CDH10: variants seen among roughly 807,000 people sequenced by gnomAD.
CDH10 encodes cadherin-10.
CDH10 carries 30 observed loss-of-function variants against 73.1 expected under a neutral mutation model. That is an observed-to-expected ratio of 0.41 (90% confidence interval 0.31 to 0.56). CDH10 has a LOEUF of 0.56. Ranked by LOEUF, CDH10 falls within the 20% of genes least tolerant of loss-of-function variation. CDH10 has a pLI of 0.27. For missense variants in CDH10, 815 were observed against 973.7 expected, an observed-to-expected ratio of 0.84 and a Z score of 2.17; for synonymous variants, 345 against 348.2, an observed-to-expected ratio of 0.99 and a Z score of 0.10.
intron 2 of CDH10, among the ~76,000 whole-genome samples, chr5:24,558,945 T>C (rs6892196): frequency 0.83 from 125,711 of 151,762 alleles, 52,105 homozygotes; most frequent in East Asian, 0.91. Flanking sequence ...CATTCAGCAT[T>C]CCCCTTTCAT....
intron 2 of CDH10, among the ~76,000 whole-genome samples, chr5:24,564,741 T>C (rs1241394058): frequency 6.6e-6 from 1 of 152,222 alleles, no homozygotes; most frequent in African/African-American, 2.4e-5. Context: ...GAAAGAATAC[T>C]TGTTACAATG....
chr5:24,553,296 T>C (rs1209256311), intron 2 of CDH10, among the ~76,000 whole-genome samples: 1 of 152,114 alleles, frequency 6.6e-6, no homozygotes, highest in East Asian at 1.9e-4. Flanking sequence ...TGTGTATGTA[T>C]TTATCAAAAT....
intron 11 of CDH10, among the ~76,000 whole-genome samples, chr5:24,488,801 C>A (rs183252935): frequency 0.012 from 1,379 of 114,736 alleles, 31 homozygotes; most frequent in African/African-American, 0.04. Flanking sequence ...ACCCCCCCCC[C>A]AAAAAAAATT....
rs200630310 is a variant in CDH10, at chr5:24,584,857, TC to T, written c.231+8402del. On this transcript the variant is annotated intron_variant, in intron 2 of 11. Coordinates refer to ENST00000264463, the MANE Select transcript of CDH10 (RefSeq NM_006727.5). ...TCATTTCAAATATAGCTTTTTTTTT[TC>T]CCCCCTGATACAAGGTCTCACTCTG... Among the ~76,000 whole-genome samples, 384 of 149,920 alleles carry T rather than the reference TC, an allele frequency of 2.6e-3. 1 individual carries two copies. The highest frequency in any genetic ancestry group is 0.014 in the Middle Eastern group (4 of 282).
intron 1 of CDH10, among the ~76,000 whole-genome samples, chr5:24,621,573 C>T (rs961472029): frequency 2.6e-5 from 4 of 152,090 alleles, no homozygotes; most frequent in Non-Finnish European, 5.9e-5. Flanking sequence ...AACACCAAAA[C>T]AGGAAAATGG....
chr5:24,614,553 T>C (rs1338877730), intron 1 of CDH10, among the ~76,000 whole-genome samples: 10 of 152,154 alleles, frequency 6.6e-5, no homozygotes, highest in Admixed American at 6.5e-4. Context: ...GCCAATAAAA[T>C]GGGTCAGGGA....
chr5:24,589,473 G>C (rs773212802), intron 2 of CDH10, among the ~76,000 whole-genome samples: 1 of 151,164 alleles, frequency 6.6e-6, no homozygotes, highest in African/African-American at 2.4e-5. Context: ...ATTTATGGTT[G>C]CCCCTTTATG....
intron 2 of CDH10, among the ~76,000 whole-genome samples, chr5:24,565,157 A>G (rs567379414): frequency 8.2e-4 from 125 of 152,288 alleles, no homozygotes; most frequent in Middle Eastern, 3.4e-3. Flanking sequence ...AATAGAACTG[A>G]ATTGTTTAGG....
intron 1 of CDH10, among the ~76,000 whole-genome samples, chr5:24,617,865 A>G (rs1475727225): frequency 2.0e-5 from 3 of 152,114 alleles, no homozygotes; most frequent in Non-Finnish European, 4.4e-5. Context: ...CGTAAACCCA[A>G]TTGGTCATCT....
At chr5:24,580,405 A>AAT (rs1409817279) in intron 2 of CDH10, among the ~76,000 whole-genome samples, 1 of 152,162 alleles carries the variant, frequency 6.6e-6, no homozygotes, top group Non-Finnish European at 1.5e-5. Context: ...CATTCTCTTA[A>AAT]ATAATTTGTG....
At chr5:24,490,366 A>G (rs1436457977) in intron 11 of CDH10, among the ~76,000 whole-genome samples, 2 of 152,136 alleles carry the variant, frequency 1.3e-5, no homozygotes, top group Non-Finnish European at 2.9e-5. Context: ...AAAATGAGGT[A>G]TGCATTTTTT....
chr5:24,506,239 T>A (rs189021305), intron 7 of CDH10, among the ~76,000 whole-genome samples: 77 of 152,302 alleles, frequency 5.1e-4, no homozygotes, highest in African/African-American at 1.8e-3. Context: ...CAGCAAACTA[T>A]CCTGCAACTT....
intron 1 of CDH10, among the ~76,000 whole-genome samples, chr5:24,621,354 A>C (rs868079874): frequency 9.9e-5 from 15 of 152,176 alleles, no homozygotes; most frequent in Admixed American, 3.9e-4. Context: ...CACAGAGCTA[A>C]ACAAATCAAA....
At chr5:24,599,998 ATTAG>A in intron 1 of CDH10, among the ~76,000 whole-genome samples, 1 of 152,292 alleles carries the variant, frequency 6.6e-6, no homozygotes, top group East Asian at 1.9e-4. Context: ...ATAATGTTCC[ATTAG>A]TTAAATTTCA....
intron 1 of CDH10, among the ~76,000 whole-genome samples, chr5:24,625,314 T>C (rs1158337299): frequency 6.6e-6 from 1 of 151,996 alleles, no homozygotes; most frequent in African/African-American, 2.4e-5. Flanking sequence ...AGTTTGAACA[T>C]TGTTGCACTG....
intron 5 of CDH10, among the ~76,000 whole-genome samples, chr5:24,529,375 T>G (rs931267029): frequency 1.3e-5 from 2 of 151,988 alleles, no homozygotes; most frequent in Non-Finnish European, 2.9e-5. Context: ...ATGTTGAAAT[T>G]CTCAGGAAGT....
intron 2 of CDH10, among the ~76,000 whole-genome samples, chr5:24,559,846 T>A (rs1159215733): frequency 6.6e-6 from 1 of 152,120 alleles, no homozygotes; most frequent in Non-Finnish European, 1.5e-5. Context: ...AAAATGCAAA[T>A]ACCCCTATCA....
intron 1 of CDH10, among the ~76,000 whole-genome samples, chr5:24,606,231 A>C (rs1446776083): frequency 1.3e-5 from 2 of 152,176 alleles, no homozygotes; most frequent in African/African-American, 4.8e-5. Flanking sequence ...CAAATGGCCC[A>C]AAGTTGCATG....
chr5:24,535,075 C>A (rs2111875325), intron 5 of CDH10, 37 bp downstream of exon 5: 1 of 1,502,368 alleles, frequency 6.7e-7, no homozygotes. Context: ...TACTCTAAAT[C>A]TTTTGCCCGG....
Sources: allele counts gnomAD v4.1 joint callset (sites outside exome capture counted in the v4.1 genomes callset), GRCh38; gene constraint gnomAD v4.1.1; transcripts MANE v1.5; gene names NCBI Gene and HGNC (gene_info 2026-07-23, HGNC 2026-07-21).